The following SV2B variants were observed in gnomAD, a reference collection of about 807,000 sequenced individuals.
The protein encoded by SV2B is synaptic vesicle glycoprotein 2B.
SV2B carries 41 observed loss-of-function variants against 73.9 expected under a neutral mutation model. That is an observed-to-expected ratio of 0.56 (90% CI 0.43 to 0.72). SV2B has a LOEUF of 0.72. SV2B is among the 30% of genes least tolerant of loss of function. The pLI is 0.00. For missense variants in SV2B, 764 were observed against 857.8 expected, an observed-to-expected ratio of 0.89 and a Z score of 1.37; for synonymous variants, 314 against 314.2, an observed-to-expected ratio of 1.00 and a Z score of 0.01.
intron 1 of SV2B, among the ~76,000 whole-genome samples, chr15:91,204,556 CT>C (rs568973449): frequency 0.022 from 2,824 of 127,788 alleles, 49 homozygotes; most frequent in African/African-American, 0.071. Context: ...TCTTCTTCTT[CT>C]TTTTTTTTTT....
intron 1 of SV2B, among the ~76,000 whole-genome samples, chr15:91,153,211 C>T (rs768891562): frequency 4.6e-5 from 7 of 152,322 alleles, no homozygotes; most frequent in Middle Eastern, 3.4e-3. Context: ...ACTTCACCTC[C>T]ACCTCTTAAT....
chr15:91,152,273 T>C (rs1168277398), intron 1 of SV2B, among the ~76,000 whole-genome samples: 1 of 152,198 alleles, frequency 6.6e-6, no homozygotes, highest in Non-Finnish European at 1.5e-5. Context: ...TTTGTAAAAC[T>C]TGTGAGAACT....
At chr15:91,287,997 G>A (rs1480896801) in intron 11 of SV2B, among the ~76,000 whole-genome samples, 1 of 152,162 alleles carries the variant, frequency 6.6e-6, no homozygotes, top group African/African-American at 2.4e-5. Flanking sequence ...CTACCCCCGG[G>A]GAGGAGTTGG....
intron 1 of SV2B, among the ~76,000 whole-genome samples, chr15:91,156,449 C>T (rs545311052): frequency 9.2e-5 from 14 of 152,284 alleles, no homozygotes; most frequent in African/African-American, 2.9e-4. Context: ...GCACCAGATT[C>T]GTGAAAGCTC....
intron 1 of SV2B, among the ~76,000 whole-genome samples, chr15:91,187,856 C>A (rs1030637001): frequency 6.6e-6 from 1 of 151,838 alleles, no homozygotes; most frequent in African/African-American, 2.4e-5. Flanking sequence ...TGTTTTGGTC[C>A]TTTTGAAGAA....
intron 1 of SV2B, among the ~76,000 whole-genome samples, chr15:91,158,698 T>TCTCCTCTCCTCTC (rs2043590510): frequency 3.7e-5 from 1 of 27,018 alleles, no homozygotes; most frequent in Non-Finnish European, 7.3e-5. Flanking sequence ...TCTCTTCTCT[T>TCTCCTCTCCTCTC]CTCTCCTCTC....
intron 2 of SV2B, among the ~76,000 whole-genome samples, chr15:91,244,760 G>T (rs974417418): frequency 6.6e-6 from 1 of 152,180 alleles, no homozygotes; most frequent in Admixed American, 6.5e-5. Context: ...TTCAAGGGGG[G>T]TATATTTGGT....
Position 91,232,091 on chromosome 15 carries a change from A to G in SV2B, c.451+5377A>G, listed in dbSNP as rs1250221152. ...TGAGCCGTGTTTTCTTTAGGCCTAA[A>G]TTCATTGTCAGTTCCTGAAAGGAGG... On this transcript the variant is annotated intron_variant, in intron 2 of 12. Transcript: ENST00000394232. The surrounding 1 kb of genome is among the most constrained non-coding windows in gnomAD (Gnocchi z 4.7). Among the ~76,000 whole-genome samples the G allele has an allele frequency of 6.6e-6, 1 of 152,168 alleles. No individual in the cohort carries two copies. The highest frequency in any genetic ancestry group is 2.4e-5 in the African/African-American group (1 of 41,450).
chr15:91,249,644 A>C (rs1306361990), intron 2 of SV2B, among the ~76,000 whole-genome samples: 1 of 152,248 alleles, frequency 6.6e-6, no homozygotes, highest in Non-Finnish European at 1.5e-5. Flanking sequence ...GGAAAAAAGA[A>C]GGCTCAAATA....
At chr15:91,279,151 A>G (rs966726996) in intron 9 of SV2B, among the ~76,000 whole-genome samples, 3 of 152,200 alleles carry the variant, frequency 2.0e-5, no homozygotes, top group African/African-American at 7.2e-5. Context: ...CTGGATCACA[A>G]GTGTCCCCTT....
In SV2B at chr15:91,289,761, C is replaced by A. The variant is rs1264085103; in HGVS notation, c.1868+81C>A. 1 of 1,432,828 alleles carries A rather than the reference C, an allele frequency of 7.0e-7. No homozygotes were observed. Among genetic ancestry groups the A allele is most frequent in the South Asian group, 1.3e-5 (1 of 75,204 alleles). The allele number at this position is 1,432,828 out of a possible 1,614,324, so 88.8% of individuals were successfully genotyped here. ...GTCTACCTGCTCCCTAAATCTCATG[C>A]TGTGCATGGCCATCGTGGTCTTTCT... On this transcript the variant is annotated intron_variant, in intron 12 of 12. Coordinates refer to ENST00000394232, the MANE Select transcript of SV2B (RefSeq NM_001323032.3). The surrounding 1 kb of genome is among the most constrained non-coding windows in gnomAD (Gnocchi z 4.9).
intron 1 of SV2B, among the ~76,000 whole-genome samples, chr15:91,216,969 C>A (rs1268306511): frequency 2.7e-5 from 4 of 149,884 alleles, no homozygotes; most frequent in Admixed American, 6.7e-5. Flanking sequence ...CTCACTGCAA[C>A]CTCTGCCTCC....
At chr15:91,146,610 C>T (rs1273854367) in intron 1 of SV2B, among the ~76,000 whole-genome samples, 3 of 152,168 alleles carry the variant, frequency 2.0e-5, no homozygotes, top group Non-Finnish European at 4.4e-5. Context: ...TTTGTGTCAT[C>T]TCTGATTTCT....
At chr15:91,237,351 C>T (rs138663568) in intron 2 of SV2B, among the ~76,000 whole-genome samples, 121 of 152,318 alleles carry the variant, frequency 7.9e-4, no homozygotes, top group Non-Finnish European at 1.6e-3. Flanking sequence ...ATGCCTGTAG[C>T]ACCCTGCTCC....
In SV2B at chr15:91,210,716, G is replaced by C. The variant is rs192862348; in HGVS notation, c.-391-15157G>C. 8.5e-4 allele frequency among the ~76,000 whole-genome samples: 130 copies of C among 152,286 alleles called. 1 individual carries two copies. Among genetic ancestry groups the C allele is most frequent in the Middle Eastern group, 3.4e-3 (1 of 294 alleles). ...TTTCCAGCCAGTGTCCCCTATTGGA[G>C]CAATGCATCTCCTCAGTTTCATGCC... On this transcript the variant is annotated intron_variant, in intron 1 of 12. Transcript: ENST00000394232.
intron 2 of SV2B, among the ~76,000 whole-genome samples, chr15:91,235,598 T>C (rs1348344068): frequency 6.6e-6 from 1 of 152,176 alleles, no homozygotes; most frequent in African/African-American, 2.4e-5. Context: ...AAAACACTCA[T>C]TTTATCATGT....
chr15:91,112,659 T>C (rs972859246), intron 1 of SV2B, among the ~76,000 whole-genome samples: 4 of 152,266 alleles, frequency 2.6e-5, no homozygotes, highest in African/African-American at 9.6e-5. Context: ...GTTCTACCCA[T>C]AACTCCTCAA....
Position 91,226,131 on chromosome 15 carries a change from A to G in SV2B, c.-133A>G. On this transcript the variant is annotated 5_prime_UTR_variant, in exon 2 of 13. Transcript: ENST00000394232. ...GGGGGGGGGAACCAGTGTGACTTTC[A>G]CCTAAGAAGTCACATGAACATATTT... The G allele has an allele frequency of 1.2e-6, 1 of 850,314 alleles. No homozygotes were observed. The highest frequency in any genetic ancestry group is 1.8e-5 in the South Asian group (1 of 55,294). The allele number at this position is 850,314 out of a possible 1,614,324, so 52.7% of individuals were successfully genotyped here. A position where few individuals can be genotyped will look rare whatever the true frequency, so the allele number is the denominator to read the frequency against.
rs944551456 is a variant in SV2B, at chr15:91,229,019, C to T, written c.451+2305C>T. On this transcript the variant is annotated intron_variant, in intron 2 of 12. Transcript: ENST00000394232. This position sits in a 1 kb window ranked among gnomAD's most constrained non-coding sequence, Gnocchi z 4.3. Reference sequence around the variant, plus strand: ...CGTAAGTGTTGAGCAGGGGTTTGACCGAAGGTCTATTTGACTTCAAAGTCT... The same window carrying T: ...CGTAAGTGTTGAGCAGGGGTTTGACTGAAGGTCTATTTGACTTCAAAGTCT... Among the ~76,000 whole-genome samples the T allele has an allele frequency of 2.0e-5, 3 of 152,166 alleles. No homozygotes were observed. Among genetic ancestry groups the T allele is most frequent in the East Asian group, 1.9e-4 (1 of 5,198 alleles).
Sources: gnomAD v4.1 joint callset for allele counts (sites outside exome capture counted in the v4.1 genomes callset) on GRCh38, gnomAD v4.1.1 for gene constraint, Gnocchi (gnomAD v3.1) non-coding constraint, MANE v1.5 for transcripts, NCBI Gene and HGNC (gene_info 2026-07-23, HGNC 2026-07-21) for gene names.